Variants in PHACTR4 observed in about 807,000 individuals in gnomAD.
PHACTR4 encodes phosphatase and actin regulator 4.
PHACTR4 carries 51 observed loss-of-function variants against 72.7 expected under a neutral mutation model. The ratio of observed to expected loss-of-function variants is 0.70; its 90% CI spans 0.56 to 0.89. The LOEUF is 0.89. PHACTR4 is among the 40% of genes least tolerant of loss of function. The pLI is 0.00. For synonymous variants in PHACTR4, 255 were observed against 302.5 expected (o/e 0.84, Z 1.63); for missense variants, 731 against 861.8 (o/e 0.85, Z 1.90).
chr1:28,399,490 T>C (rs1488714683), intron 1 of PHACTR4, among the ~76,000 whole-genome samples: 1 of 152,216 alleles, frequency 6.6e-6, no homozygotes, highest in Admixed American at 6.5e-5. Context: ...GGTTTTCTCA[T>C]GGCTCACATA....
intron 2 of PHACTR4, among the ~76,000 whole-genome samples, chr1:28,436,787 A>AT (rs1182247239): frequency 6.6e-6 from 1 of 152,210 alleles, no homozygotes; most frequent in Non-Finnish European, 1.5e-5. Flanking sequence ...TTAGTTACGG[A>AT]TAAAAAAGGA....
At chr1:28,465,967 C>A in intron 5 of PHACTR4, 118 bp downstream of exon 5, 1 of 1,028,392 alleles carries the variant, frequency 9.7e-7, no homozygotes, top group South Asian at 1.8e-5. Context: ...TCTCCTTTAA[C>A]AATACCTTAA....
intron 2 of PHACTR4, among the ~76,000 whole-genome samples, chr1:28,445,529 A>C (rs549690854): frequency 6.6e-6 from 1 of 151,744 alleles, no homozygotes; most frequent in East Asian, 1.9e-4. Flanking sequence ...TAATTCACTA[A>C]TTAACTTTTC....
At chr1:28,443,412 G>C (rs1657195071) in intron 2 of PHACTR4, among the ~76,000 whole-genome samples, 1 of 151,894 alleles carries the variant, frequency 6.6e-6, no homozygotes, top group Admixed American at 6.6e-5. Flanking sequence ...CTCCCGAGTA[G>C]CTGGGACTAC....
chr1:28,430,608 T>G (rs1656191686), intron 2 of PHACTR4, among the ~76,000 whole-genome samples: 2 of 152,146 alleles, frequency 1.3e-5, no homozygotes, highest in Admixed American at 1.3e-4. Context: ...AAATTAGTCT[T>G]TGATGTGAAT....
chr1:28,491,093 G>A, intron 11 of PHACTR4, 81 bp downstream of exon 11: 2 of 1,405,692 alleles, frequency 1.4e-6, no homozygotes. Context: ...TCACAGCTGG[G>A]CACAGTGGCT....
chr1:28,427,127 A>G (rs891702892), intron 2 of PHACTR4, among the ~76,000 whole-genome samples: 1 of 152,234 alleles, frequency 6.6e-6, no homozygotes, highest in Non-Finnish European at 1.5e-5. Context: ...AGCAAGTTTG[A>G]TAACCAATAC....
At chr1:28,411,132 C>T (rs1654760425) in intron 2 of PHACTR4, among the ~76,000 whole-genome samples, 1 of 150,528 alleles carries the variant, frequency 6.6e-6, no homozygotes, top group African/African-American at 2.4e-5. Flanking sequence ...CTGCAACCTC[C>T]GCCTCCTGGG....
intron 9 of PHACTR4, among the ~76,000 whole-genome samples, chr1:28,484,388 G>A (rs1251490637): frequency 6.6e-6 from 1 of 152,048 alleles, no homozygotes; most frequent in Non-Finnish European, 1.5e-5. Flanking sequence ...GTGGGAGGCT[G>A]TGGCAGCAGA....
chr1:28,416,261 T>A (rs7542424), intron 2 of PHACTR4, among the ~76,000 whole-genome samples: 1 of 152,152 alleles, frequency 6.6e-6, no homozygotes, highest in African/African-American at 2.4e-5. Context: ...ATAGCATTAT[T>A]ATAAATATAT....
intron 2 of PHACTR4, among the ~76,000 whole-genome samples, chr1:28,417,119 G>A (rs1655154568): frequency 6.6e-6 from 1 of 151,328 alleles, no homozygotes; most frequent in Non-Finnish European, 1.5e-5. Flanking sequence ...TTTGCCAAAG[G>A]AACTCAAGAA....
chr1:28,403,663 ATCAC>A (rs1396726743), intron 1 of PHACTR4, among the ~76,000 whole-genome samples: 1 of 152,188 alleles, frequency 6.6e-6, no homozygotes, highest in Non-Finnish European at 1.5e-5. Context: ...TTGTGTAACC[ATCAC>A]TCTAACCAAT....
intron 2 of PHACTR4, among the ~76,000 whole-genome samples, chr1:28,443,071 C>G (rs1180199599): frequency 6.6e-6 from 1 of 152,060 alleles, no homozygotes; most frequent in East Asian, 1.9e-4. Context: ...CTTTCCCTAC[C>G]CATCCCTTCC....
chr1:28,421,094 T>C (rs1435945802), intron 2 of PHACTR4, among the ~76,000 whole-genome samples: 4 of 152,214 alleles, frequency 2.6e-5, no homozygotes, highest in Admixed American at 2.6e-4. Flanking sequence ...ACAATGTGTT[T>C]ATTACTACAG....
intron 2 of PHACTR4, chr1:28,438,094 T>G: frequency 9.7e-7 from 1 of 1,027,812 alleles, no homozygotes; most frequent in Non-Finnish European, 1.2e-6. Flanking sequence ...TGGTTGGCAG[T>G]CTCCTCCCCT....
Position 28,469,984 on chromosome 1 carries a change from G to A in PHACTR4, c.823+3216G>A, listed in dbSNP as rs1023500161. Among the ~76,000 whole-genome samples the A allele has an allele frequency of 1.2e-4, 18 of 152,080 alleles. No individual in the cohort carries two copies. In the East Asian group the frequency reaches 3.1e-3, roughly 26 times the overall value. ...AGGCAGGAGAGAATCACTTGAACCC[G>A]GGAAGTGGCGGTTGCAGTGAGCCAA... is the stretch of plus-strand genomic sequence containing the variant. On this transcript the variant is annotated intron_variant, in intron 6 of 13. Transcript: ENST00000373839.
chr1:28,464,156 G>A (rs1360144308), intron 4 of PHACTR4, among the ~76,000 whole-genome samples: 1 of 151,516 alleles, frequency 6.6e-6, no homozygotes, highest in Non-Finnish European at 1.5e-5. Context: ...AGTAAAGACG[G>A]GGTTTCACCA....
In PHACTR4 at chr1:28,473,980, T is replaced by C. The variant is rs779009603; in HGVS notation, c.1250T>C (p.Leu417Pro). Residue 417 changes from leucine to proline, a missense_variant, in exon 7 of 14, where the codon CTG becomes CCG. Coordinates refer to ENST00000373839, the MANE Select transcript of PHACTR4 (RefSeq NM_001048183.3). ...CCCTCTAGGCTGCCTCCACTCCCAC[T>C]GCATATTCGAATCCAGCAGGCCCTC... Reference protein sequence around the residue: ...HIPSRLPPLPLHIRIQQALTS... With the variant: ...HIPSRLPPLPPHIRIQQALTS... 2 of 1,614,176 alleles carry C rather than the reference T, an allele frequency of 1.2e-6. No individual in the cohort carries two copies. Among genetic ancestry groups the C allele is most frequent in the Non-Finnish European group, 1.7e-6 (2 of 1,180,032 alleles).
intron 2 of PHACTR4, among the ~76,000 whole-genome samples, chr1:28,439,804 T>G (rs1254420650): frequency 1.3e-5 from 2 of 152,192 alleles, no homozygotes; most frequent in African/African-American, 4.8e-5. Context: ...AACTCACTTT[T>G]GGGCTGTAAA....
Sources: allele counts gnomAD v4.1 joint callset (sites outside exome capture counted in the v4.1 genomes callset), GRCh38; gene constraint gnomAD v4.1.1; transcripts MANE v1.5; gene names NCBI Gene and HGNC (gene_info 2026-07-23, HGNC 2026-07-21).